ZNF780A: variants seen among roughly 807,000 people sequenced by gnomAD.
The protein encoded by ZNF780A is zinc finger protein 780A.
Under a neutral mutation model 56.7 loss-of-function variants are expected in ZNF780A, and 40 were observed. That is an observed-to-expected ratio of 0.71 (90% CI 0.55 to 0.92). ZNF780A has a LOEUF of 0.92. ZNF780A is among the 40% of genes least tolerant of loss of function. ZNF780A has a pLI of 0.00. For synonymous variants in ZNF780A, 231 were observed against 248.3 expected (o/e 0.93, Z 0.66); for missense variants, 672 against 783.3 (o/e 0.86, Z 1.70).
rs138807235 is a variant in ZNF780A at position 40,076,081 on chromosome 19, C to T, written c.361G>A (p.Asp121Asn). Residue 121 changes from aspartate to asparagine, a missense_variant, in exon 6 of 6, where the codon GAC (aspartate) becomes AAC (asparagine). Physicochemically the swap from Asp to Asn is conservative, Grantham distance 23. Coordinates refer to ENST00000683561, the MANE Select transcript of ZNF780A (RefSeq NM_001142578.2). ...CCCTCAAATTGTCTATATTCTGAGT[C>T]ATTTCTAAAATAAAAGGCCTCAATG... The part of the protein sequence containing the change: ...LGIEAFYFRN[D>N]SEYRQFEGLQ... The T allele has an allele frequency of 6.4e-3, 10,329 of 1,613,664 alleles. 163 individuals are homozygous for T. Among genetic ancestry groups the T allele is most frequent in the Non-Finnish European group, 4.9e-3 (5,728 of 1,179,912 alleles).
In ZNF780A at chr19:40,075,097, C is replaced by T. The variant is rs1454151014; in HGVS notation, c.1345G>A (p.Glu449Lys). The T allele has an allele frequency of 2.5e-6, 4 of 1,614,130 alleles. No individual in the cohort carries two copies. The East Asian group carries it at 6.7e-5, about 27-fold the overall frequency. The part of the protein sequence containing the change: ...HSNEKPFVCR[E>K]CEMAFRYHCQ... ...TGATATCTAAAGGCCATCTCACATT[C>T]CCTACATACAAAAGGTTTCTCATTG... is the stretch of plus-strand genomic sequence containing the variant. The change falls in exon 6 of 6, where the codon GAA becomes AAA. Residue 449 changes from glutamate to lysine, a missense_variant. Coordinates refer to ENST00000683561, the MANE Select transcript of ZNF780A (RefSeq NM_001142578.2).
At chr19:40,089,314 AAAAG>A (rs1366712145) in intron 2 of ZNF780A, 7 of 1,352,126 alleles carry the variant, frequency 5.2e-6, no homozygotes, top group African/African-American at 2.9e-5. Context: ...TGTCGATTTA[AAAAG>A]AAAGAATTTC....
Position 40,076,136 on chromosome 19 carries a change from C to A in ZNF780A, c.306G>T (p.Gln102His). ...NDTSEVNLPK[Q>H]VIKQISTTLG... ...GAGTTGTACTTATTTGCTTTATAAC[C>A]TGTTTGGGTAAATTTACTTCAGAGG... The change falls in exon 6 of 6, where the codon CAG (glutamine) becomes CAT (histidine). Residue 102 changes from glutamine (Q) to histidine (H), a missense_variant. Coordinates refer to ENST00000683561, the MANE Select transcript of ZNF780A (RefSeq NM_001142578.2). 1 of 1,603,776 alleles carries A rather than the reference C, an allele frequency of 6.2e-7. No homozygotes were observed. The highest frequency in any genetic ancestry group is 2.2e-5 in the East Asian group (1 of 44,814).
In ZNF780A at chr19:40,075,476, T is replaced by C; in HGVS notation, c.966A>G (p.Glu322=). Residue 322 remains glutamate, a synonymous_variant, in exon 6 of 6, where the codon GAA becomes GAG. Transcript: ENST00000683561. ...MAFRYHYQLI[E]HCQIHTGEKP... ...TCTCACCAGTATGAATTTGGCAATG[T>C]TCAATAAGTTGGTAATGATATCGAA... 1.2e-6 allele frequency: 2 copies of C among 1,613,686 alleles called. No homozygotes were observed. The highest frequency in any genetic ancestry group is 1.7e-6 in the Non-Finnish European group (2 of 1,179,936).
intron 5 of ZNF780A, among the ~76,000 whole-genome samples, chr19:40,081,097 A>G (rs1366916737): frequency 7.2e-5 from 11 of 152,154 alleles, no homozygotes; most frequent in Admixed American, 6.5e-4. Flanking sequence ...AAATGGGACT[A>G]TATTAAACTA....
At chr19:40,090,624 C>G (rs1184896568) in intron 1 of ZNF780A, 1 of 152,390 alleles carries the variant, frequency 6.6e-6, no homozygotes, top group Non-Finnish European at 1.5e-5. Flanking sequence ...CAGTGTCACT[C>G]AGCAAAGTGC....
In ZNF780A at chr19:40,075,981, T is replaced by C; in HGVS notation, c.461A>G (p.His154Arg). The C allele has an allele frequency of 1.2e-6, 2 of 1,613,246 alleles. No homozygotes were observed. Among genetic ancestry groups the C allele is most frequent in the East Asian group, 2.2e-5 (1 of 44,870 alleles). Reference protein sequence around the residue: ...SYEKLPTHTPHASLICNTHKP... With the variant: ...SYEKLPTHTPRASLICNTHKP... ...ATGTGTATTGCAAATAAGAGAAGCA[T>C]GAGGAGTATGAGTAGGCAGTTTTTC... The change falls in exon 6 of 6, where the codon CAT becomes CGT. Residue 154 changes from histidine to arginine, a missense_variant. Coordinates refer to ENST00000683561, the MANE Select transcript of ZNF780A (RefSeq NM_001142578.2).
At chr19:40,078,975 A>G (rs1220144350) in intron 5 of ZNF780A, among the ~76,000 whole-genome samples, 1 of 152,224 alleles carries the variant, frequency 6.6e-6, no homozygotes, top group Non-Finnish European at 1.5e-5. Context: ...TAAAATGACA[A>G]GAATAAGCCC....
Position 40,075,036 on chromosome 19 carries a change from C to T in ZNF780A, c.1406G>A (p.Gly469Asp), listed in dbSNP as rs139507021. ...GTCTTGACATTCAAATGGCTTGTCA[C>T]CAGTATGAATTCGAGAATGTTCAAT... ...QLIEHSRIHT[G>D]DKPFECQDCG... The change falls in exon 6 of 6, where the codon GGT (glycine) becomes GAT (aspartate). Residue 469 changes from glycine (G) to aspartate (D), a missense_variant. Physicochemically the swap from Gly to Asp is moderately conservative, Grantham distance 94. Transcript: ENST00000683561. The T allele has an allele frequency of 1.4e-4, 221 of 1,614,140 alleles. No individual in the cohort carries two copies. The African/African-American group carries it at 1.7e-3, about 13-fold the overall frequency.
chr19:40,083,048 C>T (rs1231273922), intron 4 of ZNF780A, 63 bp downstream of exon 4: 11 of 1,611,060 alleles, frequency 6.8e-6, no homozygotes, highest in East Asian at 4.5e-5. Context: ...CTGAAATTCA[C>T]GGTGAAGAAA....
At chr19:40,076,788 C>T (rs1462556455) in intron 5 of ZNF780A, among the ~76,000 whole-genome samples, 1 of 152,172 alleles carries the variant, frequency 6.6e-6, no homozygotes. Flanking sequence ...CCATCTACCA[C>T]CTTTGCTACC....
intron 2 of ZNF780A, among the ~76,000 whole-genome samples, chr19:40,088,945 C>T (rs1241294376): frequency 5.3e-5 from 8 of 152,082 alleles, no homozygotes; most frequent in Non-Finnish European, 1.2e-4. Context: ...TCAGCCAAAT[C>T]TAAAAAAGTT....
intron 2 of ZNF780A, among the ~76,000 whole-genome samples, chr19:40,087,495 G>T (rs1294394271): frequency 6.6e-6 from 1 of 152,040 alleles, no homozygotes; most frequent in East Asian, 1.9e-4. Context: ...CTTATGAAAT[G>T]ATACACTATT....
At chr19:40,088,651 A>G (rs1349038895) in intron 2 of ZNF780A, among the ~76,000 whole-genome samples, 1 of 152,216 alleles carries the variant, frequency 6.6e-6, no homozygotes, top group Admixed American at 6.5e-5. Flanking sequence ...TACTGGGAAT[A>G]TATCTCCAAA....
rs771875897 is a variant in ZNF780A, at chr19:40,081,849, C to G, written c.202G>C (p.Val68Leu). ...LEQEKEPWMV[V>L]RKETSRRYPD... ...TACCGTCTGCTTGTTTCTTTCCTTA[C>G]AACCATCCAGGGCTCTTTCTCTTGC... The change falls in exon 5 of 6, where the codon GTA (valine) becomes CTA (leucine). Residue 68 changes from valine to leucine, a missense_variant. Coordinates refer to ENST00000683561, the MANE Select transcript of ZNF780A (RefSeq NM_001142578.2). 6.2e-7 allele frequency: 1 copy of G among 1,612,936 alleles called. No individual in the cohort carries two copies. Among genetic ancestry groups the G allele is most frequent in the Non-Finnish European group, 8.5e-7 (1 of 1,179,230 alleles).
intron 1 of ZNF780A, chr19:40,090,493 T>C (rs1397203148): frequency 2.0e-5 from 3 of 152,166 alleles, no homozygotes; most frequent in African/African-American, 7.2e-5. Context: ...CGCTTTCTTG[T>C]GTAAAGCTTC....
At position 40,075,791 on chromosome 19, in the gene ZNF780A, A is replaced by C; in HGVS notation, c.651T>G (p.Gly217=). ...QFTRHQKFHT[G]EKPFECNECG... is the part of the protein sequence containing the mutation. ...ATTCGTTACATTCAAAAGGTTTCTC[A>C]CCAGTATGAAATTTCTGATGTCGAG... The change falls in exon 6 of 6, where the codon GGT becomes GGG. Residue 217 remains glycine (G), a synonymous_variant. Coordinates refer to ENST00000683561, the MANE Select transcript of ZNF780A (RefSeq NM_001142578.2). 1 of 1,614,010 alleles carries C rather than the reference A, an allele frequency of 6.2e-7. No individual in the cohort carries two copies. Among genetic ancestry groups the C allele is most frequent in the Non-Finnish European group, 8.5e-7 (1 of 1,179,976 alleles).
downstream of ZNF780A, chr19:40,072,279 T>G (rs1973849969): frequency 5.7e-6 from 1 of 174,888 alleles, no homozygotes; most frequent in South Asian, 1.4e-4. Flanking sequence ...AGAGCAGTTG[T>G]TGGCCAACCT....
rs564688001 is a variant in ZNF780A, at chr19:40,079,240, C to A, written c.232+2579G>T. Among the ~76,000 whole-genome samples, 2 of 152,112 alleles carry A rather than the reference C, an allele frequency of 1.3e-5. 1 individual carries two copies. Among genetic ancestry groups the A allele is most frequent in the African/African-American group, 4.8e-5 (2 of 41,534 alleles). ...TAAGTCAAAAGCAGCAAAAAAGAGACAAAGAAGATCACTGTATAATGATAA... is the reference window on the plus strand; with the variant it reads ...TAAGTCAAAAGCAGCAAAAAAGAGAAAAAGAAGATCACTGTATAATGATAA... On this transcript the variant is annotated intron_variant, in intron 5 of 5. Coordinates refer to ENST00000683561, the MANE Select transcript of ZNF780A (RefSeq NM_001142578.2).
Sources: gnomAD v4.1 joint callset for allele counts (sites outside exome capture counted in the v4.1 genomes callset) on GRCh38, gnomAD v4.1.1 for gene constraint, MANE v1.5 for transcripts, NCBI Gene and HGNC (gene_info 2026-07-23, HGNC 2026-07-21) for gene names.